The following FGFR3 variants were observed in gnomAD, a reference collection of about 807,000 sequenced individuals.
FGFR3 encodes the protein FGFR-3.
Under a neutral mutation model 82.9 loss-of-function variants are expected in FGFR3, and 25 were observed. The ratio of observed to expected loss-of-function variants is 0.30; its 90% CI spans 0.22 to 0.42. The LOEUF (loss-of-function observed/expected upper bound fraction) is 0.42. FGFR3 is among the 10% of genes least tolerant of loss of function. FGFR3 has a pLI of 1.00. For missense variants in FGFR3, 1,026 were observed against 1,161.0 expected (o/e 0.88, Z 1.69); for synonymous variants, 620 against 516.0 (o/e 1.20, Z -2.73).
intron 12 of FGFR3, 27 bp from the exon 13 acceptor site, chr4:1,805,723 G>GC (rs1560439710): frequency 6.2e-7 from 1 of 1,611,622 alleles, no homozygotes; most frequent in East Asian, 2.2e-5. Context: ...GGGCCTGGCA[G>GC]CCCGTCTGAG....
At chr4:1,802,705 G>GGTCT (rs1280394716) in intron 7 of FGFR3, among the ~76,000 whole-genome samples, 1 of 152,136 alleles carries the variant, frequency 6.6e-6, no homozygotes, top group Non-Finnish European at 1.5e-5. Context: ...GTTGTCTGAG[G>GGTCT]GTCTGGGCTG....
chr4:1,805,099 T>A lies in FGFR3; in HGVS notation c.1412+130T>A, dbSNP rs923961131. ...GGCGGATGTTGGGTGTGGCTGGGGT[T>A]CTGTGGAGATGCTCCTGGGACGGGT... On this transcript the variant is annotated intron_variant, in intron 10 of 17. Coordinates refer to ENST00000440486, the MANE Select transcript of FGFR3 (RefSeq NM_000142.5). 3 of 1,374,266 alleles carry A rather than the reference T, an allele frequency of 2.2e-6. No homozygotes were observed. In the East Asian group the frequency reaches 7.5e-5, roughly 35 times the overall value. The allele number at this position is 1,374,266 out of a possible 1,614,324, so 85.1% of individuals were successfully genotyped here. A position where few individuals can be genotyped will look rare whatever the true frequency, so the allele number is the denominator to read the frequency against.
Position 1,806,325 on chromosome 4 carries a change from C to T in FGFR3, c.2028C>T (p.Asp676=), listed in dbSNP as rs754598297. 65 of 1,612,924 alleles carry T rather than the reference C, an allele frequency of 4.0e-5. No individual in the cohort carries two copies. The highest frequency in any genetic ancestry group is 1.3e-5 in the African/African-American group (1 of 74,924). The change falls in exon 15 of 18, where the codon GAC becomes GAT. Residue 676 remains aspartate (D), a splice_region_variant and synonymous_variant. Transcript: ENST00000440486. ...LFDRVYTHQS[D]VWSFGVLLWE... is the part of the protein sequence containing the mutation. Reference sequence around the variant, plus strand: ...ACCGAGTCTACACTCACCAGAGTGACGTGTACGTGTCCTGCAGAGCTCAGG... The same window carrying T: ...ACCGAGTCTACACTCACCAGAGTGATGTGTACGTGTCCTGCAGAGCTCAGG...
rs781206382 is a variant in FGFR3 at position 1,805,352 on chromosome 4, C to T, written c.1413-3C>T. 2 of 1,611,486 alleles carry T rather than the reference C, an allele frequency of 1.2e-6. No individual in the cohort carries two copies. Among genetic ancestry groups the T allele is most frequent in the South Asian group, 1.1e-5 (1 of 91,022 alleles). On this transcript the variant is annotated splice_polypyrimidine_tract_variant and splice_region_variant and intron_variant, in intron 10 of 17. Coordinates refer to ENST00000440486, the MANE Select transcript of FGFR3 (RefSeq NM_000142.5). ...CTCATGGTCCCTCTGCCTCCACTGC[C>T]AGGCTGACCCTGGGCAAGCCCCTTG...
chr4:1,806,254 C>T lies in FGFR3; in HGVS notation c.1960-3C>T, dbSNP rs1403386665. The T allele has an allele frequency of 1.2e-6, 2 of 1,613,054 alleles. No homozygotes were observed. The highest frequency in any genetic ancestry group is 1.1e-5 in the South Asian group (1 of 91,084). On this transcript the variant is annotated splice_polypyrimidine_tract_variant and splice_region_variant and intron_variant, in intron 14 of 17. Coordinates refer to ENST00000440486, the MANE Select transcript of FGFR3 (RefSeq NM_000142.5). ...CCAACACCGCCTTCCCACACCCTCC[C>T]AGGGCCGGCTGCCCGTGAAGTGGAT...
At chr4:1,794,653 A>G (rs1199202857) in intron 2 of FGFR3, among the ~76,000 whole-genome samples, 1 of 152,050 alleles carries the variant, frequency 6.6e-6, no homozygotes, top group African/African-American at 2.4e-5. Context: ...CGGGCCCTAG[A>G]CTGGGCTGGC....
intron 2 of FGFR3, among the ~76,000 whole-genome samples, chr4:1,798,686 T>C (rs1720824539): frequency 6.6e-6 from 1 of 152,124 alleles, no homozygotes; most frequent in Non-Finnish European, 1.5e-5. Context: ...TGAACTGCTT[T>C]TCAGGCTCAT....
chr4:1,805,509 G>C (rs370509888), intron 11 of FGFR3, 33 bp downstream of exon 11: 1 of 1,612,456 alleles, frequency 6.2e-7, no homozygotes, highest in South Asian at 1.1e-5. Context: ...TGCAGAGCAG[G>C]GCTGGGGGCG....
In FGFR3 at chr4:1,807,348, G is replaced by T; in HGVS notation, c.*86G>T. 6.6e-7 allele frequency: 1 copy of T among 1,513,534 alleles called. No individual in the cohort carries two copies. 93.8% of individuals were successfully genotyped at this position (1,513,534 alleles called of 1,614,324 possible). On this transcript the variant is annotated 3_prime_UTR_variant, in exon 18 of 18. Transcript: ENST00000440486. Reference sequence around the variant, plus strand: ...CAGCCACTCCCCGGCATGAGACTCAGTGCAGATGGAGAGACAGCTACACAG... The same window carrying T: ...CAGCCACTCCCCGGCATGAGACTCATTGCAGATGGAGAGACAGCTACACAG...
At chr4:1,802,158 C>A in intron 7 of FGFR3, 133 bp downstream of exon 7, 2 of 969,146 alleles carry the variant, frequency 2.1e-6, no homozygotes, top group East Asian at 2.6e-5. Flanking sequence ...TGTGGGGGTG[C>A]TTGTGGGGCC....
At chr4:1,802,943 C>T (rs914236518) in intron 7 of FGFR3, 7 of 1,602,212 alleles carry the variant, frequency 4.4e-6, no homozygotes, top group East Asian at 2.3e-5. Context: ...TGGAGGCCGA[C>T]GTGCGCCTCC....
intron 17 of FGFR3, 45 bp downstream of exon 17, chr4:1,806,979 C>T (rs2108815649): frequency 1.3e-6 from 2 of 1,565,180 alleles, no homozygotes; most frequent in Non-Finnish European, 1.7e-6. Context: ...ATGCCCCTCC[C>T]CCTGCCGTCC....
intron 14 of FGFR3, 37 bp from the exon 15 acceptor site, chr4:1,806,220 C>T (rs760568036): frequency 2.6e-5 from 42 of 1,612,674 alleles, no homozygotes; most frequent in Non-Finnish European, 3.1e-5. Context: ...GCCAGTAGGA[C>T]GCCTGGCGCC....
intron 2 of FGFR3, among the ~76,000 whole-genome samples, chr4:1,798,194 C>A (rs535482280): frequency 6.6e-6 from 1 of 152,066 alleles, no homozygotes; most frequent in Admixed American, 6.5e-5. Flanking sequence ...CAGGGGCCAC[C>A]TGCACATCTG....
rs763050242 is a variant in FGFR3, at chr4:1,799,814, T to A, written c.445+2T>A. The A allele has an allele frequency of 6.2e-7, 1 of 1,612,408 alleles. No individual in the cohort carries two copies. The highest frequency in any genetic ancestry group is 1.1e-5 in the South Asian group (1 of 91,002). On this transcript the variant is annotated splice_donor_variant, in intron 4 of 17. Transcript: ENST00000440486. LOFTEE classifies it high-confidence loss of function. ...CTGAGGACACAGGTGTGGACACAGGTAGGAGCAGGGTCCAGGGTTCAGGCC... is the reference window on the plus strand; with the variant it reads ...CTGAGGACACAGGTGTGGACACAGGAAGGAGCAGGGTCCAGGGTTCAGGCC...
chr4:1,801,780 A>G (rs759553826), intron 6 of FGFR3, 37 bp downstream of exon 6: 6 of 1,571,880 alleles, frequency 3.8e-6, no homozygotes, highest in African/African-American at 1.4e-5. Flanking sequence ...TGGGGGCGGC[A>G]GTGGCGGTGG....
chr4:1,804,743 C>G (rs780227036), intron 9 of FGFR3, 81 bp from the exon 10 acceptor site: 44 of 1,526,972 alleles, frequency 2.9e-5, no homozygotes, highest in Non-Finnish European at 3.3e-5. Context: ...GCCCCCCCTT[C>G]TGGCCCAGCA....
Position 1,799,474 on chromosome 4 carries a change from G to T in FGFR3, c.330G>T (p.Arg110=), listed in dbSNP as rs1347246053. ...AGGACTCCGGGGCCTACAGCTGCCG[G>T]CAGCGGCTCACGCAGCGCGTACTGT... ...SHEDSGAYSC[R]QRLTQRVLCH... Residue 110 remains arginine, a synonymous_variant, in exon 3 of 18, where the codon CGG becomes CGT. Transcript: ENST00000440486. 1.3e-6 allele frequency: 2 copies of T among 1,590,868 alleles called. No individual in the cohort carries two copies. The highest frequency in any genetic ancestry group is 1.7e-6 in the Non-Finnish European group (2 of 1,169,498).
intron 10 of FGFR3, 144 bp from the exon 11 acceptor site, chr4:1,805,211 G>T: frequency 6.8e-7 from 1 of 1,470,396 alleles, no homozygotes; most frequent in South Asian, 1.3e-5. Flanking sequence ...TCGTCCTTAC[G>T]AGCAGGCTGT....
Sources: allele counts gnomAD v4.1 joint callset (sites outside exome capture counted in the v4.1 genomes callset), GRCh38; gene constraint gnomAD v4.1.1; transcripts MANE v1.5; gene names NCBI Gene and HGNC (gene_info 2026-07-23, HGNC 2026-07-21).